The following PCDHA11 variants were observed in gnomAD, a reference collection of about 807,000 sequenced individuals.
PCDHA11 encodes protocadherin alpha 11.
In PCDHA11, 61 loss-of-function variants were observed where a neutral mutation model predicts 70.3. That is an observed-to-expected ratio of 0.87 (90% CI 0.71 to 1.07). PCDHA11 has a LOEUF of 1.07. Among genes scored for constraint, PCDHA11 ranks in the 50% least tolerant of loss-of-function variants. The pLI, the probability that PCDHA11 is intolerant of heterozygous loss-of-function variation, is 0.00. For missense variants in PCDHA11, 1,324 were observed against 1,237.5 expected, an observed-to-expected ratio of 1.07 and a Z score of -1.05; for synonymous variants, 633 against 555.1, an observed-to-expected ratio of 1.14 and a Z score of -1.97.
At position 141,010,234 on chromosome 5, in the gene PCDHA11, T is replaced by C. The variant is rs1455330920; in HGVS notation, c.*297T>C. 1 of 1,551,824 alleles carries C rather than the reference T, an allele frequency of 6.4e-7. No individual in the cohort carries two copies. Among genetic ancestry groups the C allele is most frequent in the Non-Finnish European group, 8.7e-7 (1 of 1,147,042 alleles). On this transcript the variant is annotated 3_prime_UTR_variant, in exon 4 of 4. Transcript: ENST00000398640. ...AGGAGAGGCTTCCCAGCCCCGCCAG[T>C]GAGAGGTTGGACTCTCTGCCCTGTG...
At chr5:140,901,329 T>A (rs180738358) in intron 1 of PCDHA11, among the ~76,000 whole-genome samples, 102 of 152,302 alleles carry the variant, frequency 6.7e-4, no homozygotes, top group Admixed American at 1.2e-3. Context: ...TTTCTTGTAG[T>A]CGTTTTATAG....
chr5:140,905,043 A>G (rs782694794), intron 1 of PCDHA11, among the ~76,000 whole-genome samples: 1 of 152,244 alleles, frequency 6.6e-6, no homozygotes, highest in East Asian at 1.9e-4. Flanking sequence ...TAGTTTAATT[A>G]GGTCCCATTT....
At chr5:140,925,142 C>G (rs2082353538) in intron 1 of PCDHA11, among the ~76,000 whole-genome samples, 1 of 151,570 alleles carries the variant, frequency 6.6e-6, no homozygotes, top group African/African-American at 2.4e-5. Context: ...TTCAAACATA[C>G]ACAAAAGTTG....
At chr5:140,937,824 A>C (rs1229119616) in intron 1 of PCDHA11, among the ~76,000 whole-genome samples, 1 of 151,696 alleles carries the variant, frequency 6.6e-6, no homozygotes, top group African/African-American at 2.4e-5. Flanking sequence ...AGGCAGGAGA[A>C]TGGCATGAAC....
chr5:141,000,416 TATA>T lies in PCDHA11; in HGVS notation c.2540-9210_2540-9208del, dbSNP rs1254571264. Among the ~76,000 whole-genome samples the T allele has an allele frequency of 5.1e-3, 472 of 93,246 alleles. 2 individuals carry two copies. Among genetic ancestry groups the T allele is most frequent in the Non-Finnish European group, 6.8e-3 (330 of 48,634 alleles). 61.2% of individuals were successfully genotyped at this position (93,246 alleles called of 152,430 possible). On this transcript the variant is annotated intron_variant, in intron 3 of 3. Transcript: ENST00000398640. ...CTCTCTATATATATATATATATATA[TATA>T]TATTTTTTTTTTTTTTTTTTTTTTT...
At chr5:140,999,114 T>C (rs2097847387) in intron 3 of PCDHA11, among the ~76,000 whole-genome samples, 2 of 152,180 alleles carry the variant, frequency 1.3e-5, no homozygotes, top group Non-Finnish European at 2.9e-5. Context: ...CTAGCAACCA[T>C]TTCTAAGCTG....
rs781991042 is a variant in PCDHA11, at chr5:140,968,933, A to G, written c.2392-10016A>G. ...AGTGTCTTTTATATTTCTTTTGACA[A>G]TCATCATTTTGAGCATCATCAAGTG... On this transcript the variant is annotated intron_variant, in intron 1 of 3. Transcript: ENST00000398640. 77 of 1,614,052 alleles carry G rather than the reference A, an allele frequency of 4.8e-5. No individual in the cohort carries two copies. Among genetic ancestry groups the G allele is most frequent in the Non-Finnish European group, 6.0e-5 (71 of 1,180,034 alleles).
Position 140,870,399 on chromosome 5 carries a change from T to C in PCDHA11, c.1296T>C (p.Pro432=). 6.2e-7 allele frequency: 1 copy of C among 1,614,196 alleles called. No individual in the cohort carries two copies. The highest frequency in any genetic ancestry group is 8.5e-7 in the Non-Finnish European group (1 of 1,180,036). The change falls in exon 1 of 4, where the codon CCT becomes CCC. Residue 432 remains proline (P), a synonymous_variant. Coordinates refer to ENST00000398640, the MANE Select transcript of PCDHA11 (RefSeq NM_018902.5). The stretch of plus-strand genomic sequence containing the variant: ...TGACTGCGCGGGATGGGGGTTCGCC[T>C]TCTCTGTGGGCCACGGCCAGGGTAT... ...LVVTARDGGS[P]SLWATARVSV... is the part of the protein sequence containing the mutation.
At chr5:140,881,224 A>G (rs1254771945) in intron 1 of PCDHA11, 1 of 264,386 alleles carries the variant, frequency 3.8e-6, no homozygotes, top group Non-Finnish European at 5.9e-6. Context: ...TTCTTGGAAA[A>G]TTAAAGTCAA....
In PCDHA11 at chr5:140,869,180, T is replaced by TG; in HGVS notation, c.81dup (p.Ser28GlufsTer100). ...CTTCTCCTCCTCGAATTCTGGGAGG[T>TG]GGGGAGCGGCCAGCTCCACTACTCC... On this transcript the variant is annotated frameshift_variant, in exon 1 of 4. Transcript: ENST00000398640. LOFTEE classifies it high-confidence loss of function. The TG allele has an allele frequency of 6.2e-7, 1 of 1,613,322 alleles. No homozygotes were observed.
intron 1 of PCDHA11, among the ~76,000 whole-genome samples, chr5:140,932,733 C>A (rs2088585680): frequency 1.3e-5 from 2 of 151,034 alleles, no homozygotes; most frequent in Admixed American, 6.6e-5. Context: ...TAATATAGAC[C>A]CTCAAATCAG....
At chr5:140,878,103 G>A (rs2153358436) in intron 1 of PCDHA11, 1 of 261,846 alleles carries the variant, frequency 3.8e-6, no homozygotes, top group East Asian at 7.9e-5. Context: ...GATGAACCTT[G>A]AAAAAAACAG....
intron 1 of PCDHA11, chr5:140,876,824 A>G (rs1554168970): frequency 1.2e-6 from 2 of 1,614,116 alleles, no homozygotes; most frequent in Non-Finnish European, 1.7e-6. Context: ...GTGAACGACA[A>G]TGCGCCTGCG....
At chr5:140,978,726 T>C (rs1453953300) in intron 1 of PCDHA11, among the ~76,000 whole-genome samples, 2 of 152,250 alleles carry the variant, frequency 1.3e-5, no homozygotes, top group African/African-American at 4.8e-5. Flanking sequence ...TTATTAAATC[T>C]GGTCTTCCAG....
In PCDHA11 at chr5:140,869,588, T is replaced by C. The variant is rs1404476349; in HGVS notation, c.485T>C (p.Ile162Thr). The change falls in exon 1 of 4, where the codon ATT (isoleucine) becomes ACT (threonine). Residue 162 changes from isoleucine (I) to threonine (T), a missense_variant. By Grantham distance (89) the Ile-to-Thr change is moderately conservative. Transcript: ENST00000398640. ...FPLEGASDAD[I>T]EENALLTYRL... ...CTAGAGGGAGCTTCTGATGCTGACA[T>C]TGAAGAGAATGCTCTATTGACCTAC... 3.7e-6 allele frequency: 6 copies of C among 1,614,114 alleles called. No individual in the cohort carries two copies. The highest frequency in any genetic ancestry group is 2.2e-5 in the East Asian group (1 of 44,876).
In PCDHA11 at chr5:140,969,008, G is replaced by C. The variant is rs782541476; in HGVS notation, c.2392-9941G>C. 29 of 1,614,076 alleles carry C rather than the reference G, an allele frequency of 1.8e-5. 1 individual carries two copies. In the Admixed American group the frequency reaches 4.8e-4, roughly 27 times the overall value. Reference sequence around the variant, plus strand: ...TGCATGCTGTGGAGGCTTCTGTGGAGTAAGGGAAAGGTCCCCTGCAGAACT... The same window carrying C: ...TGCATGCTGTGGAGGCTTCTGTGGACTAAGGGAAAGGTCCCCTGCAGAACT... On this transcript the variant is annotated intron_variant, in intron 1 of 3. Coordinates refer to ENST00000398640, the MANE Select transcript of PCDHA11 (RefSeq NM_018902.5).
At chr5:140,968,722 T>C (rs1379540261) in intron 1 of PCDHA11, 2 of 1,613,846 alleles carry the variant, frequency 1.2e-6, no homozygotes, top group Admixed American at 1.7e-5. Context: ...GAGATGAGAG[T>C]GGTAGCACTT....
At chr5:141,004,117 G>A (rs2098153806) in intron 3 of PCDHA11, among the ~76,000 whole-genome samples, 1 of 152,236 alleles carries the variant, frequency 6.6e-6, no homozygotes. Flanking sequence ...TCAAAAGGGA[G>A]TATCTCCATG....
intron 1 of PCDHA11, among the ~76,000 whole-genome samples, chr5:140,888,278 C>G (rs1204327118): frequency 2.0e-5 from 3 of 151,932 alleles, no homozygotes; most frequent in African/African-American, 7.3e-5. Flanking sequence ...CAGTTTTGTC[C>G]CCTCTACCCC....
Sources: gnomAD v4.1 joint callset for allele counts (sites outside exome capture counted in the v4.1 genomes callset) on GRCh38, gnomAD v4.1.1 for gene constraint, MANE v1.5 for transcripts, NCBI Gene and HGNC (gene_info 2026-07-23, HGNC 2026-07-21) for gene names.